SERPINB10: variants seen among roughly 807,000 people sequenced by gnomAD.
The protein encoded by SERPINB10 is serpin B10.
In SERPINB10, 35 loss-of-function variants were observed where a neutral mutation model predicts 39.1. The ratio of observed to expected loss-of-function variants is 0.90; its 90% CI spans 0.68 to 1.19. The LOEUF (loss-of-function observed/expected upper bound fraction) is 1.19. Ranked by LOEUF, SERPINB10 falls within the 50% of genes most tolerant of loss-of-function variation. SERPINB10 has a pLI of 0.00. For missense variants in SERPINB10, 546 were observed against 460.5 expected, an observed-to-expected ratio of 1.19 and a Z score of -1.70; for synonymous variants, 190 against 158.1, an observed-to-expected ratio of 1.20 and a Z score of -1.52.
chr18:63,923,011 A>C (rs1029764659), intron 5 of SERPINB10, among the ~76,000 whole-genome samples: 1 of 151,986 alleles, frequency 6.6e-6, no homozygotes. Context: ...CAGACTGCAG[A>C]TTATAGTACT....
At chr18:63,925,272 T>C (rs1410006485) in intron 5 of SERPINB10, among the ~76,000 whole-genome samples, 1 of 151,982 alleles carries the variant, frequency 6.6e-6, no homozygotes, top group Non-Finnish European at 1.5e-5. Context: ...GTGTGTATAA[T>C]GCATACATTT....
Position 63,915,849 on chromosome 18 carries a change from G to C in SERPINB10, c.168+171G>C, listed in dbSNP as rs537809173. ...ACCATAAAACAAATCTTGGTAAAGA[G>C]AATCAATTTGCAAACTGTTGCTAGG... On this transcript the variant is annotated intron_variant, in intron 2 of 7. Coordinates refer to ENST00000238508, the MANE Select transcript of SERPINB10 (RefSeq NM_005024.3). 1.8e-3 allele frequency among the ~76,000 whole-genome samples: 274 copies of C among 152,118 alleles called. 1 individual carries two copies. The highest frequency in any genetic ancestry group is 3.2e-3 in the Non-Finnish European group (220 of 67,956).
intron 4 of SERPINB10, 118 bp from the exon 5 acceptor site, chr18:63,919,670 T>G: frequency 3.3e-6 from 2 of 610,026 alleles, no homozygotes; most frequent in Non-Finnish European, 5.7e-6. Flanking sequence ...GAGGATGGAG[T>G]GATGGTGTGG....
chr18:63,920,031 G>A, intron 5 of SERPINB10, 126 bp downstream of exon 5: 3 of 514,430 alleles, frequency 5.8e-6, no homozygotes, highest in Non-Finnish European at 1.0e-5. Context: ...TAAATATTCA[G>A]AACATTTATT....
chr18:63,911,943 T>C (rs9957913), intron 1 of SERPINB10, among the ~76,000 whole-genome samples: 23 of 149,854 alleles, frequency 1.5e-4, no homozygotes, highest in African/African-American at 5.1e-4. Context: ...GTATTATTTA[T>C]GATTTTTAGC....
rs1188140695 is a variant in SERPINB10, at chr18:63,919,996, C to A, written c.490+91C>A. On this transcript the variant is annotated intron_variant, in intron 5 of 7. Transcript: ENST00000238508. Reference sequence around the variant, plus strand: ...GTGTCATATGTAAGTATGTATACTCCTTAAATAGAAGTGTGGACACATTGT... The same window carrying A: ...GTGTCATATGTAAGTATGTATACTCATTAAATAGAAGTGTGGACACATTGT... 5 of 700,446 alleles carry A rather than the reference C, an allele frequency of 7.1e-6. No individual in the cohort carries two copies. In the African/African-American group the frequency reaches 7.5e-5, roughly 11 times the overall value. The allele number at this position is 700,446 out of a possible 1,614,324, so 43.4% of individuals were successfully genotyped here. A position where few individuals can be genotyped will look rare whatever the true frequency, so the allele number is the denominator to read the frequency against.
At chr18:63,930,337 A>G in intron 6 of SERPINB10, 150 bp downstream of exon 6, 4 of 820,836 alleles carry the variant, frequency 4.9e-6, no homozygotes, top group Non-Finnish European at 7.5e-6. Context: ...CTTCAGTTCC[A>G]TGGGGAATTC....
chr18:63,917,443 A>G lies in SERPINB10; in HGVS notation c.169-13A>G. 1 of 1,522,078 alleles carries G rather than the reference A, an allele frequency of 6.6e-7. No individual in the cohort carries two copies. Among genetic ancestry groups the G allele is most frequent in the Non-Finnish European group, 8.9e-7 (1 of 1,121,468 alleles). 94.3% of individuals were successfully genotyped at this position (1,522,078 alleles called of 1,614,324 possible). ...CTGCAGTCTATTCATTTGTATTTTT[A>G]TTGAAATTACAGGTGCTTCAATTTA... On this transcript the variant is annotated splice_polypyrimidine_tract_variant and intron_variant, in intron 2 of 7. Coordinates refer to ENST00000238508, the MANE Select transcript of SERPINB10 (RefSeq NM_005024.3).
Position 63,935,402 on chromosome 18 carries a change from T to C in SERPINB10, c.*160T>C. 1 of 683,498 alleles carries C rather than the reference T, an allele frequency of 1.5e-6. No individual in the cohort carries two copies. Among genetic ancestry groups the C allele is most frequent in the Non-Finnish European group, 2.4e-6 (1 of 419,436 alleles). The allele number at this position is 683,498 out of a possible 1,614,324, so 42.3% of individuals were successfully genotyped here. A position where few individuals can be genotyped will look rare whatever the true frequency, so the allele number is the denominator to read the frequency against. On this transcript the variant is annotated 3_prime_UTR_variant, in exon 8 of 8. Transcript: ENST00000238508. ...TTGAAATAATGCATTCTAATGATCCTGTCATATCTGTACAGCTGGAGAGAA... is the reference window on the plus strand; with the variant it reads ...TTGAAATAATGCATTCTAATGATCCCGTCATATCTGTACAGCTGGAGAGAA...
chr18:63,932,976 G>T (rs2050233671), intron 6 of SERPINB10, 72 bp from the exon 7 acceptor site: 8 of 1,398,482 alleles, frequency 5.7e-6, no homozygotes, highest in East Asian at 2.3e-5. Flanking sequence ...TGATGGTAGA[G>T]AATTAAGGAG....
intron 5 of SERPINB10, among the ~76,000 whole-genome samples, chr18:63,928,815 T>C (rs2050198444): frequency 7.1e-6 from 1 of 141,256 alleles, no homozygotes. Context: ...CAATTGTGAA[T>C]GGGAGTTCAC....
chr18:63,912,096 T>G (rs1349960195), intron 1 of SERPINB10, among the ~76,000 whole-genome samples: 1 of 151,960 alleles, frequency 6.6e-6, no homozygotes, highest in Non-Finnish European at 1.5e-5. Flanking sequence ...ATGTTATTGG[T>G]ATATAGAAAT....
chr18:63,932,623 T>G (rs1239369206), intron 6 of SERPINB10, among the ~76,000 whole-genome samples: 1 of 152,220 alleles, frequency 6.6e-6, no homozygotes, highest in Non-Finnish European at 1.5e-5. Flanking sequence ...TCATATGTTT[T>G]GCAAATATTT....
At chr18:63,926,253 G>A (rs935312850) in intron 5 of SERPINB10, among the ~76,000 whole-genome samples, 2 of 151,862 alleles carry the variant, frequency 1.3e-5, no homozygotes, top group African/African-American at 4.8e-5. Flanking sequence ...TGCCTGCATT[G>A]GTACATGGCT....
Position 63,918,122 on chromosome 18 carries a change from T to A in SERPINB10, c.372+20T>A. 1 of 1,610,664 alleles carries A rather than the reference T, an allele frequency of 6.2e-7. No individual in the cohort carries two copies. Among genetic ancestry groups the A allele is most frequent in the South Asian group, 1.1e-5 (1 of 90,948 alleles). ...CACAATGTAAGTGCAAATGTCTTAT[T>A]TTAAGCTAATGGAAAAGAAAGAGCA... On this transcript the variant is annotated intron_variant, in intron 4 of 7. Coordinates refer to ENST00000238508, the MANE Select transcript of SERPINB10 (RefSeq NM_005024.3).
intron 1 of SERPINB10, among the ~76,000 whole-genome samples, chr18:63,914,662 T>A (rs1991317): frequency 0.88 from 133,896 of 151,976 alleles, 59,283 homozygotes; most frequent in East Asian, 1. Flanking sequence ...AGTTGTAGTC[T>A]TCATCAATAA....
intron 1 of SERPINB10, among the ~76,000 whole-genome samples, chr18:63,912,635 A>C (rs1304519889): frequency 1.3e-5 from 2 of 152,008 alleles, no homozygotes; most frequent in Admixed American, 1.3e-4. Context: ...AGCCTACTTG[A>C]TGGTGGTAAA....
chr18:63,933,234 G>A, intron 7 of SERPINB10, 31 bp downstream of exon 7: 2 of 1,610,060 alleles, frequency 1.2e-6, no homozygotes, highest in East Asian at 2.2e-5. Context: ...TGATGTGAGG[G>A]TGTTTCCAGT....
rs2050257062 is a variant in SERPINB10 at position 63,935,528 on chromosome 18, G to C, written c.*286G>C. The C allele has an allele frequency of 3.3e-6, 1 of 299,674 alleles. No homozygotes were observed. The highest frequency in any genetic ancestry group is 6.1e-6 in the Non-Finnish European group (1 of 163,544). 18.6% of individuals were successfully genotyped at this position (299,674 alleles called of 1,614,324 possible). ...TTCAACTGAATGCCTTACAATTCTTGATCACTTGCAATATCCATGATACTT... is the reference window on the plus strand; with the variant it reads ...TTCAACTGAATGCCTTACAATTCTTCATCACTTGCAATATCCATGATACTT... On this transcript the variant is annotated 3_prime_UTR_variant, in exon 8 of 8. Coordinates refer to ENST00000238508, the MANE Select transcript of SERPINB10 (RefSeq NM_005024.3).
Sources: allele counts gnomAD v4.1 joint callset (sites outside exome capture counted in the v4.1 genomes callset), GRCh38; gene constraint gnomAD v4.1.1; transcripts MANE v1.5; gene names NCBI Gene and HGNC (gene_info 2026-07-23, HGNC 2026-07-21).